The following MGAT4D variants were observed in gnomAD, a reference collection of about 807,000 sequenced individuals.
The protein encoded by MGAT4D is MGAT4 family member D.
In MGAT4D, 34 loss-of-function variants were observed where a neutral mutation model predicts 15.9. The observed-to-expected ratio is 2.14, with a 90% CI of 1.62 to 2.84. The LOEUF (loss-of-function observed/expected upper bound fraction) is 2.84, where lower values mean the gene tolerates loss of function less well. Ranked by LOEUF, MGAT4D falls within the 30% of genes most tolerant of loss-of-function variation. The pLI is 0.00. For missense variants in MGAT4D, 327 were observed against 140.2 expected (o/e 2.33, Z -6.73); for synonymous variants, 112 against 48.2 (o/e 2.33, Z -5.49).
At position 140,474,935 on chromosome 4, in the gene MGAT4D, G is replaced by T; in HGVS notation, c.403C>A (p.Leu135Met). The change falls in exon 4 of 11, where the codon CTG (leucine) becomes ATG (methionine). Residue 135 changes from leucine (L) to methionine (M), a missense_variant. By Grantham distance (15) the Leu-to-Met change is conservative. Coordinates refer to ENST00000511113, the MANE Select transcript of MGAT4D (RefSeq NM_001277353.2). ...GKGKTGVSFA[L>M]GISTVNRGNY... ...CCTCTGTTAACAGTGGAAATACCCA[G>T]CGCAAAAGAAACTGTGGACATAGGA... The T allele has an allele frequency of 2.9e-6, 2 of 684,376 alleles. No individual in the cohort carries two copies. Among genetic ancestry groups the T allele is most frequent in the Non-Finnish European group, 5.3e-6 (2 of 378,060 alleles). The allele number at this position is 684,376 out of a possible 1,614,324, so 42.4% of individuals were successfully genotyped here. A position where few individuals can be genotyped will look rare whatever the true frequency, so the allele number is the denominator to read the frequency against.
chr4:140,442,824 A>T lies in MGAT4D; in HGVS notation c.*612T>A, dbSNP rs1396968894. The T allele has an allele frequency of 9.2e-6, 1 of 108,756 alleles. No homozygotes were observed. Among genetic ancestry groups the T allele is most frequent in the South Asian group, 2.6e-4 (1 of 3,856 alleles). 6.7% of individuals were successfully genotyped at this position (108,756 alleles called of 1,614,324 possible). A position where few individuals can be genotyped will look rare whatever the true frequency, so the allele number is the denominator to read the frequency against. On this transcript the variant is annotated 3_prime_UTR_variant, in exon 11 of 11. Coordinates refer to ENST00000511113, the MANE Select transcript of MGAT4D (RefSeq NM_001277353.2). The stretch of plus-strand genomic sequence containing the variant: ...AGAAAACCAATATATTTGGGAAAAA[A>T]ACTCCCAAATAATCTGTGTGTTAAG...
At chr4:140,491,118 T>C (rs185598559) in intron 1 of MGAT4D, among the ~76,000 whole-genome samples, 12 of 152,362 alleles carry the variant, frequency 7.9e-5, no homozygotes, top group Admixed American at 7.2e-4. Flanking sequence ...TTATTGTACA[T>C]GTATTTTAAA....
At chr4:140,488,989 C>T (rs2126862541) in intron 1 of MGAT4D, among the ~76,000 whole-genome samples, 1 of 152,258 alleles carries the variant, frequency 6.6e-6, no homozygotes, top group East Asian at 1.9e-4. Context: ...GTAGGGCCTG[C>T]AGAACTGGGA....
intron 5 of MGAT4D, among the ~76,000 whole-genome samples, chr4:140,471,382 A>G (rs1731950151): frequency 1.3e-5 from 2 of 152,038 alleles, no homozygotes; most frequent in African/African-American, 4.8e-5. Flanking sequence ...TTGCTTGATA[A>G]AGAGCTTCAT....
chr4:140,453,357 C>A (rs1025280343), intron 9 of MGAT4D, among the ~76,000 whole-genome samples: 18 of 151,862 alleles, frequency 1.2e-4, no homozygotes, highest in Non-Finnish European at 2.9e-5. Context: ...ACATTCATAC[C>A]TTTACTAGGT....
chr4:140,474,020 C>T (rs748318470), intron 4 of MGAT4D, among the ~76,000 whole-genome samples: 2 of 152,100 alleles, frequency 1.3e-5, no homozygotes, highest in Non-Finnish European at 2.9e-5. Context: ...TGTTTTTATA[C>T]ACTTGCCTGA....
chr4:140,473,258 T>G (rs927321748), intron 4 of MGAT4D, among the ~76,000 whole-genome samples: 2 of 152,158 alleles, frequency 1.3e-5, no homozygotes, highest in African/African-American at 4.8e-5. Flanking sequence ...AACATCACTT[T>G]GTATCAGTGA....
intron 7 of MGAT4D, among the ~76,000 whole-genome samples, chr4:140,461,727 CT>C (rs1233354019): frequency 3.3e-5 from 5 of 152,012 alleles, no homozygotes; most frequent in Non-Finnish European, 7.4e-5. Context: ...CAATTTTAAA[CT>C]TCCTTTGGCA....
intron 5 of MGAT4D, among the ~76,000 whole-genome samples, chr4:140,466,849 G>T (rs1364147471): frequency 6.6e-6 from 1 of 152,076 alleles, no homozygotes; most frequent in Non-Finnish European, 1.5e-5. Flanking sequence ...TTTATAATGG[G>T]TATGTATCAC....
chr4:140,495,162 A>G (rs1417822488), intron 1 of MGAT4D, among the ~76,000 whole-genome samples: 1 of 152,102 alleles, frequency 6.6e-6, no homozygotes, highest in Non-Finnish European at 1.5e-5. Flanking sequence ...AGGAGATTCC[A>G]CCGCAGGGCC....
intron 4 of MGAT4D, among the ~76,000 whole-genome samples, chr4:140,472,941 G>GT (rs1423702072): frequency 1.3e-5 from 2 of 151,980 alleles, no homozygotes; most frequent in African/African-American, 4.8e-5. Context: ...TCTGTTTCGA[G>GT]TTTTTTCTGC....
intron 5 of MGAT4D, among the ~76,000 whole-genome samples, chr4:140,469,239 G>A (rs1731750496): frequency 6.6e-6 from 1 of 152,094 alleles, no homozygotes; most frequent in African/African-American, 2.4e-5. Flanking sequence ...CCTTCAATAA[G>A]CATTTATTTT....
intron 5 of MGAT4D, among the ~76,000 whole-genome samples, chr4:140,470,483 A>C (rs1454649470): frequency 6.6e-6 from 1 of 152,264 alleles, no homozygotes; most frequent in African/African-American, 2.4e-5. Flanking sequence ...CCTGAAGGCC[A>C]CATTTGCAGC....
intron 1 of MGAT4D, among the ~76,000 whole-genome samples, chr4:140,486,842 G>A (rs1329744988): frequency 1.3e-5 from 2 of 152,158 alleles, no homozygotes; most frequent in African/African-American, 2.4e-5. Context: ...TCATATTGTA[G>A]ATACTATTTG....
chr4:140,485,810 TAAA>T (rs61131099), intron 1 of MGAT4D, among the ~76,000 whole-genome samples: 65 of 12,998 alleles, frequency 5.0e-3, no homozygotes, highest in East Asian at 0.014. Context: ...GACCCTGTCT[TAAA>T]AAAAAAAAAA....
Position 140,459,599 on chromosome 4 carries a change from T to C in MGAT4D, c.790A>G (p.Met264Val). The change falls in exon 8 of 11, where the codon ATG becomes GTG. Residue 264 changes from methionine to valine, a missense_variant. Physicochemically the swap from Met to Val is conservative, Grantham distance 21. Coordinates refer to ENST00000511113, the MANE Select transcript of MGAT4D (RefSeq NM_001277353.2). ...QLEDDIIAKEMYFTKITDFVG... is the reference protein window; with the variant it reads ...QLEDDIIAKEVYFTKITDFVG... ...AAATCTGTTATTTTTGTAAAGTACA[T>C]CTCTTTAGCTATGATATCATCTTCT... 1.9e-6 allele frequency: 1 copy of C among 517,846 alleles called. No homozygotes were observed. The highest frequency in any genetic ancestry group is 2.9e-5 in the South Asian group (1 of 34,540). The allele number at this position is 517,846 out of a possible 1,614,324, so 32.1% of individuals were successfully genotyped here.
At chr4:140,469,027 A>T (rs1464773404) in intron 5 of MGAT4D, among the ~76,000 whole-genome samples, 2 of 151,752 alleles carry the variant, frequency 1.3e-5, no homozygotes, top group South Asian at 2.1e-4. Flanking sequence ...TCCTCTCTCT[A>T]CTGCAGCACA....
At chr4:140,484,037 T>C (rs1732922419) in intron 1 of MGAT4D, among the ~76,000 whole-genome samples, 1 of 152,142 alleles carries the variant, frequency 6.6e-6, no homozygotes, top group African/African-American at 2.4e-5. Context: ...AACAAGCTTA[T>C]GTACAGCAAA....
intron 4 of MGAT4D, among the ~76,000 whole-genome samples, chr4:140,474,526 GCAGGGATT>G (rs879878986): frequency 7.2e-5 from 11 of 152,062 alleles, no homozygotes; most frequent in Admixed American, 2.6e-4. Context: ...CATATAGTAG[GCAGGGATT>G]CAGGGATTCT....
Sources: gnomAD v4.1 joint callset for allele counts (sites outside exome capture counted in the v4.1 genomes callset) on GRCh38, gnomAD v4.1.1 for gene constraint, MANE v1.5 for transcripts, NCBI Gene and HGNC (gene_info 2026-07-23, HGNC 2026-07-21) for gene names.